Variants in NOVA1 observed in about 807,000 individuals in gnomAD.
The protein encoded by NOVA1 is RNA-binding protein Nova-1.
NOVA1 carries 7 observed loss-of-function variants against 38.0 expected under a neutral mutation model. The observed-to-expected ratio is 0.18, with a 90% CI of 0.10 to 0.35. The LOEUF is 0.35. Ranked by LOEUF, NOVA1 falls within the 10% of genes least tolerant of loss-of-function variation. The probability of loss-of-function intolerance (pLI) is 1.00; values close to 1 mark genes in which losing one functional copy is unlikely to be tolerated. For missense variants in NOVA1, 460 were observed against 616.0 expected, an observed-to-expected ratio of 0.75 and a Z score of 2.68; for synonymous variants, 270 against 232.5, an observed-to-expected ratio of 1.16 and a Z score of -1.47.
At chr14:26,533,978 T>C (rs1000784797) in intron 2 of NOVA1, among the ~76,000 whole-genome samples, 6 of 152,176 alleles carry the variant, frequency 3.9e-5, no homozygotes, top group Non-Finnish European at 5.9e-5. Flanking sequence ...TTTCAAACTA[T>C]AAATGCAAAG....
chr14:26,491,975 AC>A (rs1236033546), intron 2 of NOVA1, among the ~76,000 whole-genome samples: 14 of 152,064 alleles, frequency 9.2e-5, no homozygotes, highest in East Asian at 1.9e-4. Flanking sequence ...AAAAAAAAAA[AC>A]ATTTAGAATT....
intron 2 of NOVA1, among the ~76,000 whole-genome samples, chr14:26,582,295 T>C (rs1279965866): frequency 1.3e-5 from 2 of 151,838 alleles, no homozygotes; most frequent in East Asian, 3.9e-4. Context: ...ATGCAGTATC[T>C]ACTTATTTTT....
chr14:26,461,677 C>T (rs1304189263), intron 4 of NOVA1, among the ~76,000 whole-genome samples: 1 of 151,306 alleles, frequency 6.6e-6, no homozygotes, highest in Non-Finnish European at 1.5e-5. Context: ...GCCTGTAATC[C>T]GAGCACTTTG....
chr14:26,572,274 T>C (rs1032162305), intron 2 of NOVA1, among the ~76,000 whole-genome samples: 17 of 152,164 alleles, frequency 1.1e-4, no homozygotes, highest in African/African-American at 3.1e-4. Context: ...GCAACAATTA[T>C]AGAATAAACA....
intron 2 of NOVA1, among the ~76,000 whole-genome samples, chr14:26,516,746 C>T (rs999108181): frequency 6.6e-6 from 1 of 152,078 alleles, no homozygotes; most frequent in African/African-American, 2.4e-5. Context: ...CTTGCAGCAA[C>T]AGCACACTGT....
At chr14:26,470,018 A>C (rs997118455) in intron 4 of NOVA1, 3 of 229,450 alleles carry the variant, frequency 1.3e-5, no homozygotes, top group Non-Finnish European at 2.3e-5. Context: ...CTCAAGGTTA[A>C]TAAAGTAAAA....
At chr14:26,495,136 G>C (rs539642439) in intron 2 of NOVA1, among the ~76,000 whole-genome samples, 1 of 151,962 alleles carries the variant, frequency 6.6e-6, no homozygotes, top group East Asian at 1.9e-4. Context: ...TCCATCCTGG[G>C]AACACTGTTC....
chr14:26,595,393 T>C lies in NOVA1; in HGVS notation c.280+17A>G, dbSNP rs1430890042. 1 of 1,610,232 alleles carries C rather than the reference T, an allele frequency of 6.2e-7. No homozygotes were observed. The highest frequency in any genetic ancestry group is 8.5e-7 in the Non-Finnish European group (1 of 1,178,418). ...TGTGGGGAGCTCATCAAACAATCTC[T>C]TCACCATTGCACCTACCTGGGTAAA... On this transcript the variant is annotated intron_variant, in intron 2 of 4. Coordinates refer to ENST00000539517, the MANE Select transcript of NOVA1 (RefSeq NM_002515.3).
chr14:26,450,710 G>A (rs1252649736), intron 4 of NOVA1, among the ~76,000 whole-genome samples: 1 of 152,056 alleles, frequency 6.6e-6, no homozygotes, highest in East Asian at 1.9e-4. Flanking sequence ...GTTACAATTA[G>A]AAAGTTAAAC....
chr14:26,546,240 T>C (rs1259948547), intron 2 of NOVA1, among the ~76,000 whole-genome samples: 1 of 152,108 alleles, frequency 6.6e-6, no homozygotes, highest in African/African-American at 2.4e-5. Flanking sequence ...GATTATCAAA[T>C]GAAGTAACTC....
intron 2 of NOVA1, among the ~76,000 whole-genome samples, chr14:26,587,828 T>A (rs908330291): frequency 4.6e-5 from 7 of 151,168 alleles, no homozygotes; most frequent in African/African-American, 1.7e-4. Flanking sequence ...CTATTCTGTG[T>A]TACTGAAATG....
At chr14:26,489,118 G>A (rs937206419) in intron 2 of NOVA1, among the ~76,000 whole-genome samples, 8 of 152,002 alleles carry the variant, frequency 5.3e-5, no homozygotes, top group Non-Finnish European at 1.0e-4. Context: ...GAAAATTAAT[G>A]TCTCTTACAT....
intron 2 of NOVA1, among the ~76,000 whole-genome samples, chr14:26,543,408 A>G (rs1890592378): frequency 6.6e-6 from 1 of 152,022 alleles, no homozygotes; most frequent in African/African-American, 2.4e-5. Flanking sequence ...AAGTTCATCA[A>G]TAAGTAAGTC....
At chr14:26,472,060 TTAGG>T in intron 4 of NOVA1, 1 of 457,448 alleles carries the variant, frequency 2.2e-6, no homozygotes, top group Non-Finnish European at 3.8e-6. Flanking sequence ...CAGTGCTCCA[TTAGG>T]TAGTCAAATT....
intron 2 of NOVA1, among the ~76,000 whole-genome samples, chr14:26,504,644 G>A (rs980333636): frequency 6.6e-6 from 1 of 152,024 alleles, no homozygotes; most frequent in Non-Finnish European, 1.5e-5. Flanking sequence ...ATTATTTATT[G>A]AATTATTTCA....
chr14:26,587,163 A>C (rs1161704963), intron 2 of NOVA1, among the ~76,000 whole-genome samples: 1 of 150,936 alleles, frequency 6.6e-6, no homozygotes, highest in East Asian at 1.9e-4. Flanking sequence ...TCAACTGTTA[A>C]ATGAAAGTTT....
Position 26,445,702 on chromosome 14 carries a change from C to A in NOVA1, c.*2257G>T, listed in dbSNP as rs1594303649. ...CAACATTTGAAATGCTTCTAGTACA[C>A]ATCCTAGATCACTTCCTTTCCCTTT... On this transcript the variant is annotated 3_prime_UTR_variant, in exon 5 of 5. Coordinates refer to ENST00000539517, the MANE Select transcript of NOVA1 (RefSeq NM_002515.3). The A allele has an allele frequency of 6.6e-6, 1 of 152,364 alleles. No individual in the cohort carries two copies. The highest frequency in any genetic ancestry group is 1.9e-4 in the East Asian group (1 of 5,184). 9.4% of individuals were successfully genotyped at this position (152,364 alleles called of 1,614,324 possible). A position where few individuals can be genotyped will look rare whatever the true frequency, so the allele number is the denominator to read the frequency against.
chr14:26,478,869 A>T (rs868591493), intron 3 of NOVA1: 21 of 151,884 alleles, frequency 1.4e-4, no homozygotes, highest in South Asian at 6.2e-4. Flanking sequence ...GGATTTTTTT[A>T]AAAAAGTAAT....
At chr14:26,505,764 T>G (rs1887599111) in intron 2 of NOVA1, among the ~76,000 whole-genome samples, 1 of 152,208 alleles carries the variant, frequency 6.6e-6, no homozygotes, top group Non-Finnish European at 1.5e-5. Flanking sequence ...AAAATATTCC[T>G]ATTATAATCA....
Sources: gnomAD v4.1 joint callset for allele counts (sites outside exome capture counted in the v4.1 genomes callset) on GRCh38, gnomAD v4.1.1 for gene constraint, MANE v1.5 for transcripts, NCBI Gene and HGNC (gene_info 2026-07-23, HGNC 2026-07-21) for gene names.